The following LUC7L variants were observed in gnomAD, a reference collection of about 807,000 sequenced individuals.
LUC7L encodes LUC7 like.
Under a neutral mutation model 51.1 loss-of-function variants are expected in LUC7L, and 29 were observed. The observed-to-expected ratio is 0.57, with a 90% confidence interval of 0.42 to 0.77. The LOEUF (loss-of-function observed/expected upper bound fraction) is 0.77. Ranked by LOEUF, LUC7L falls within the 30% of genes least tolerant of loss-of-function variation. The pLI is 0.00. For missense variants in LUC7L, 403 were observed against 511.9 expected, an observed-to-expected ratio of 0.79 and a Z score of 2.05; for synonymous variants, 181 against 180.7, an observed-to-expected ratio of 1.00 and a Z score of -0.01.
intron 6 of LUC7L, among the ~76,000 whole-genome samples, 186 bp downstream of exon 6, chr16:198,876 C>T (rs2049238353): frequency 6.6e-6 from 1 of 152,068 alleles, no homozygotes; most frequent in Non-Finnish European, 1.5e-5. Flanking sequence ...GACGGGGTTT[C>T]ACCATGTTGG....
intron 4 of LUC7L, among the ~76,000 whole-genome samples, chr16:206,699 G>A (rs1212932083): frequency 6.6e-6 from 1 of 152,032 alleles, no homozygotes; most frequent in African/African-American, 2.4e-5. Flanking sequence ...TGATATGGAT[G>A]TACCACAGTT....
intron 6 of LUC7L, 139 bp downstream of exon 6, chr16:198,923 G>T: frequency 1.5e-6 from 1 of 688,866 alleles, no homozygotes; most frequent in Non-Finnish European, 2.2e-6. Context: ...CAGGTGATTC[G>T]CCCACCTCGG....
rs975454144 is a variant in LUC7L, at chr16:227,673, G to A, written c.62-337C>T. ...GACTGCAAAACCCAAGCTAATCAGA[G>A]GTCCATGAACCACCAAGGGTGACTT... On this transcript the variant is annotated intron_variant, in intron 1 of 9. Coordinates refer to ENST00000293872, the MANE Select transcript of LUC7L (RefSeq NM_201412.3). 3.7e-6 allele frequency: 4 copies of A among 1,089,490 alleles called. No individual in the cohort carries two copies. In the African/African-American group the frequency reaches 4.9e-5, roughly 13 times the overall value. The allele number at this position is 1,089,490 out of a possible 1,614,324, so 67.5% of individuals were successfully genotyped here. A position where few individuals can be genotyped will look rare whatever the true frequency, so the allele number is the denominator to read the frequency against.
chr16:213,017 G>A (rs915062815), intron 3 of LUC7L, among the ~76,000 whole-genome samples: 1 of 152,114 alleles, frequency 6.6e-6, no homozygotes, highest in South Asian at 2.1e-4. Context: ...TCCGGCCTCT[G>A]CCTCCCACCA....
chr16:199,027 A>C (rs371294667), intron 6 of LUC7L, 35 bp downstream of exon 6: 1 of 1,560,220 alleles, frequency 6.4e-7, no homozygotes, highest in African/African-American at 1.4e-5. Flanking sequence ...ACACCCCAAG[A>C]CTCCTCAGCT....
chr16:202,515 G>A (rs1235149048), intron 5 of LUC7L, among the ~76,000 whole-genome samples: 1 of 151,988 alleles, frequency 6.6e-6, no homozygotes, highest in Admixed American at 6.6e-5. Context: ...CAAATATTTA[G>A]GGGCCCACTG....
intron 6 of LUC7L, among the ~76,000 whole-genome samples, chr16:197,089 G>T (rs950146825): frequency 6.6e-6 from 1 of 150,592 alleles, no homozygotes; most frequent in African/African-American, 2.4e-5. Flanking sequence ...TGTATTTTTA[G>T]TAGAGACGGG....
At chr16:201,914 T>C (rs112470931) in intron 5 of LUC7L, among the ~76,000 whole-genome samples, 20 of 152,074 alleles carry the variant, frequency 1.3e-4, no homozygotes, top group African/African-American at 3.9e-4. Context: ...TGGCTAATTT[T>C]TATACTTTTA....
In LUC7L at chr16:201,479, G is replaced by A. The variant is rs1268393896; in HGVS notation, c.511-2241C>T. Among the ~76,000 whole-genome samples, 4 of 148,402 alleles carry A rather than the reference G, an allele frequency of 2.7e-5. No individual in the cohort carries two copies. The Admixed American group carries it at 2.7e-4, about 10-fold the overall frequency. On this transcript the variant is annotated intron_variant, in intron 5 of 9. Coordinates refer to ENST00000293872, the MANE Select transcript of LUC7L (RefSeq NM_201412.3). ...TTTTGAGACGGAGTCTCGCTCTGTC[G>A]CCCAGCCTGGAATGCAGTGGCACGA...
chr16:194,020 G>A (rs1329702352), intron 6 of LUC7L, among the ~76,000 whole-genome samples: 3 of 151,810 alleles, frequency 2.0e-5, no homozygotes, highest in African/African-American at 7.3e-5. Context: ...AGCCAGGATG[G>A]TCTCGATCTC....
rs114309807 is a variant in LUC7L, at chr16:218,605, C to G, written c.255+2044G>C. 8.8e-3 allele frequency among the ~76,000 whole-genome samples: 1,344 copies of G among 152,062 alleles called. 15 individuals carry two copies. Among genetic ancestry groups the G allele is most frequent in the African/African-American group, 0.031 (1,291 of 41,480 alleles). ...GTGTGGTGGCGGGCACTTCTAATCT[C>G]AGCTACTTGGGAGGCTGAGGCAGGA... On this transcript the variant is annotated intron_variant, in intron 3 of 9. Transcript: ENST00000293872.
intron 5 of LUC7L, among the ~76,000 whole-genome samples, chr16:201,813 T>C (rs113967662): frequency 0.047 from 6,904 of 146,936 alleles, 215 homozygotes; most frequent in Middle Eastern, 0.071. Context: ...GCACGATCTC[T>C]GTTCGCTGCA....
At chr16:207,625 G>A (rs1479311689) in intron 4 of LUC7L, among the ~76,000 whole-genome samples, 1 of 152,256 alleles carries the variant, frequency 6.6e-6, no homozygotes, top group Non-Finnish European at 1.5e-5. Flanking sequence ...AGAATTCCAT[G>A]ACACATGAAT....
At chr16:222,950 T>TAAAA (rs1567193203) in intron 2 of LUC7L, among the ~76,000 whole-genome samples, 4 of 142,470 alleles carry the variant, frequency 2.8e-5, no homozygotes, top group African/African-American at 1.1e-4. Flanking sequence ...ACCCCGTCTT[T>TAAAA]TAAAAAAAAA....
intron 3 of LUC7L, 32 bp downstream of exon 3, chr16:220,617 G>T: frequency 6.7e-7 from 1 of 1,486,840 alleles, no homozygotes; most frequent in Non-Finnish European, 9.4e-7. Flanking sequence ...GTTCTTCGCA[G>T]TAGGAATAAA....
At chr16:189,803 C>G in intron 9 of LUC7L, 165 bp downstream of exon 9, 5 of 1,430,268 alleles carry the variant, frequency 3.5e-6, no homozygotes, top group Middle Eastern at 2.6e-4. Context: ...TCCTCCACAG[C>G]CCTCTCGCCT....
chr16:223,780 C>T (rs1300311096), intron 2 of LUC7L, among the ~76,000 whole-genome samples: 1 of 152,008 alleles, frequency 6.6e-6, no homozygotes, highest in Admixed American at 6.6e-5. Context: ...AGTAATCCTC[C>T]TGCCTCAGCC....
rs529265090 is a variant in LUC7L, at chr16:190,023, G to C, written c.919C>G (p.Arg307Gly). The C allele has an allele frequency of 2.5e-6, 4 of 1,614,046 alleles. No individual in the cohort carries two copies. The highest frequency in any genetic ancestry group is 2.5e-6 in the Non-Finnish European group (3 of 1,180,006). ...CGACGATGTCCCCGGCTGTGGCTCC[G>C]GGAACGGCTGCGGTGGCGCCGATGT... is the stretch of plus-strand genomic sequence containing the variant. ...DRHRRHRSRS[R>G]SHSRGHRRAS... The change falls in exon 9 of 10, where the codon CGG becomes GGG. Residue 307 changes from arginine to glycine, a missense_variant. Arg to Gly is a moderately radical substitution (Grantham distance 125). Around this residue, in one of 3 missense-constraint regions of LUC7L, gnomAD observed 206 missense variants for 218.3 expected, o/e 0.94. Coordinates refer to ENST00000293872, the MANE Select transcript of LUC7L (RefSeq NM_201412.3).
intron 2 of LUC7L, 113 bp from the exon 3 acceptor site, chr16:220,860 T>C: frequency 1.5e-6 from 1 of 684,432 alleles, no homozygotes; most frequent in East Asian, 2.5e-5. Context: ...TTTGGAACAC[T>C]GACACTGCAA....
Sources: gnomAD v4.1 joint callset for allele counts (sites outside exome capture counted in the v4.1 genomes callset) on GRCh38, gnomAD v4.1.1 for gene constraint, gnomAD v4.1.1 regional missense constraint, MANE v1.5 for transcripts, NCBI Gene and HGNC (gene_info 2026-07-23, HGNC 2026-07-21) for gene names.